RUBCN: variants seen among roughly 807,000 people sequenced by gnomAD.
RUBCN encodes the protein rubicon autophagy regulator, also known as run domain Beclin-1-interacting and cysteine-rich domain-containing protein.
RUBCN carries 74 observed loss-of-function variants against 113.2 expected under a neutral mutation model. The observed-to-expected ratio is 0.65, with a 90% CI of 0.54 to 0.79. The LOEUF is 0.79. Ranked by LOEUF, RUBCN falls within the 30% of genes least tolerant of loss-of-function variation. RUBCN has a pLI of 0.00. For missense variants in RUBCN, 1,109 were observed against 1,251.7 expected (o/e 0.89, Z 1.72); for synonymous variants, 480 against 490.0 (o/e 0.98, Z 0.27).
chr3:197,709,662 G>GAGCCACCGCGCCCGGCCTGAAAAGCT (rs1724732011), intron 2 of RUBCN, among the ~76,000 whole-genome samples: 1 of 152,094 alleles, frequency 6.6e-6, no homozygotes, highest in African/African-American at 2.4e-5. Flanking sequence ...TTACAGGGGT[G>GAGCCACCGCGCCCGGCCTGAAAAGCT]AGCCACCGCG....
intron 16 of RUBCN, among the ~76,000 whole-genome samples, chr3:197,680,194 G>A (rs1305593447): frequency 8.8e-6 from 1 of 114,040 alleles, no homozygotes; most frequent in South Asian, 3.6e-4. Context: ...ACTGTCCTAC[G>A]CTCTAACTGA....
chr3:197,688,733 A>G (rs1334443754), intron 11 of RUBCN, among the ~76,000 whole-genome samples: 3 of 152,226 alleles, frequency 2.0e-5, no homozygotes, highest in Non-Finnish European at 4.4e-5. Flanking sequence ...AAGATATCAA[A>G]CCAACTTGGC....
At chr3:197,729,048 G>C (rs1727089203) in intron 1 of RUBCN, among the ~76,000 whole-genome samples, 1 of 151,556 alleles carries the variant, frequency 6.6e-6, no homozygotes, top group Non-Finnish European at 1.5e-5. Context: ...CGGATCACGA[G>C]GTCAGGAGAA....
rs1361350395 is a variant in RUBCN at position 197,703,662 on chromosome 3, G to A, written c.464-8C>T. The A allele has an allele frequency of 6.3e-7, 1 of 1,588,910 alleles. No individual in the cohort carries two copies. Among genetic ancestry groups the A allele is most frequent in the Non-Finnish European group, 8.6e-7 (1 of 1,157,896 alleles). ...TTAGCAGGAAGGCAGCATCTGGGGA[G>A]AGAAAAGCTGCCACAGTGATAGAGC... On this transcript the variant is annotated splice_polypyrimidine_tract_variant and splice_region_variant and intron_variant, in intron 4 of 19. Transcript: ENST00000296343.
chr3:197,682,721 G>T (rs1721388735), intron 13 of RUBCN, 106 bp from the exon 14 acceptor site: 2 of 1,475,544 alleles, frequency 1.4e-6, no homozygotes, highest in Non-Finnish European at 9.4e-7. Context: ...ACACAGTTGG[G>T]GTAAGTTCAC....
At chr3:197,717,484 T>C (rs1358506245) in intron 2 of RUBCN, among the ~76,000 whole-genome samples, 1 of 151,254 alleles carries the variant, frequency 6.6e-6, no homozygotes, top group Non-Finnish European at 1.5e-5. Flanking sequence ...TTGAAGGTGC[T>C]ATGCTGTTGG....
rs764043576 is a variant in RUBCN at position 197,682,590 on chromosome 3, G to C, written c.2006C>G (p.Pro669Arg). The C allele has an allele frequency of 6.2e-7, 1 of 1,614,124 alleles. No individual in the cohort carries two copies. The highest frequency in any genetic ancestry group is 8.5e-7 in the Non-Finnish European group (1 of 1,180,016). Residue 669 changes from proline (P) to arginine (R), a missense_variant, in exon 14 of 20, where the codon CCC (proline) becomes CGC (arginine). Physicochemically the swap from Pro to Arg is moderately radical, Grantham distance 103. Coordinates refer to ENST00000296343, the MANE Select transcript of RUBCN (RefSeq NM_014687.4). ...GTGCTGCCCGTCATCCGGTGAGATG[G>C]GCAGTGAGTCAGGAATGGGCAGGAG... Reference protein sequence around the residue: ...QKLLPIPDSLPISPDDGQHAD... With the variant: ...QKLLPIPDSLRISPDDGQHAD...
intron 1 of RUBCN, among the ~76,000 whole-genome samples, chr3:197,730,968 A>G (rs1475445872): frequency 1.5e-5 from 2 of 130,126 alleles, no homozygotes; most frequent in Non-Finnish European, 1.5e-5. Flanking sequence ...CAGTGCGGGC[A>G]TTATTATGTG....
rs1580167408 is a variant in RUBCN, at chr3:197,681,694, C to A, written c.2191+141G>T. 1.3e-6 allele frequency: 1 copy of A among 758,482 alleles called. No homozygotes were observed. The highest frequency in any genetic ancestry group is 1.5e-5 in the South Asian group (1 of 68,216). The allele number at this position is 758,482 out of a possible 1,614,324, so 47.0% of individuals were successfully genotyped here. A position where few individuals can be genotyped will look rare whatever the true frequency, so the allele number is the denominator to read the frequency against. ...TTCCCTCCGATTGCCAGCACTCTTG[C>A]CTACTACGAACCTTTCTTTCTCCTT... is the stretch of plus-strand genomic sequence containing the variant. On this transcript the variant is annotated intron_variant, in intron 15 of 19. Transcript: ENST00000296343. This position sits in a 1 kb window ranked among gnomAD's most constrained non-coding sequence, Gnocchi z 5.5.
At chr3:197,692,768 G>GA (rs949846675) in intron 11 of RUBCN, among the ~76,000 whole-genome samples, 1 of 152,182 alleles carries the variant, frequency 6.6e-6, no homozygotes, top group African/African-American at 2.4e-5. Flanking sequence ...GAAAATGTGT[G>GA]AAAAAACGGA....
upstream of RUBCN, among the ~76,000 whole-genome samples, chr3:197,738,143 C>T (rs2109019026): frequency 6.6e-6 from 1 of 152,346 alleles, no homozygotes; most frequent in South Asian, 2.1e-4. Flanking sequence ...ATTTTTTAAA[C>T]TTTCAACTTT....
At chr3:197,676,710 G>C in intron 18 of RUBCN, 175 bp downstream of exon 18, 2 of 1,472,272 alleles carry the variant, frequency 1.4e-6, no homozygotes, top group Non-Finnish European at 1.8e-6. Flanking sequence ...CTTTAGATCA[G>C]GATGATTTGG....
intron 11 of RUBCN, among the ~76,000 whole-genome samples, chr3:197,690,565 C>T (rs1246294711): frequency 6.6e-6 from 1 of 152,206 alleles, no homozygotes. Context: ...GATCACAAAG[C>T]AAGAACAAAC....
intron 11 of RUBCN, among the ~76,000 whole-genome samples, chr3:197,689,973 G>T (rs999631596): frequency 2.0e-5 from 3 of 152,018 alleles, no homozygotes; most frequent in Non-Finnish European, 4.4e-5. Flanking sequence ...CTCCTCCCCA[G>T]CCTCTGTAAC....
chr3:197,694,651 G>A (rs1722810022), intron 9 of RUBCN, 66 bp from the exon 10 acceptor site: 2 of 1,403,778 alleles, frequency 1.4e-6, no homozygotes, highest in Non-Finnish European at 2.0e-6. Context: ...TCATTATAAT[G>A]TGGAAAAGGG....
At position 197,717,999 on chromosome 3, in the gene RUBCN, T is replaced by G. The variant is rs758564558; in HGVS notation, c.197A>C (p.Tyr66Ser). ...TACCTGGTCACGGATAAGCCCGTGA[T>G]AGAGGATGCTCTGCATGTCCCTGCA... ...RLCRDMQSILYHGLIRDQACR... is the reference protein window; with the variant it reads ...RLCRDMQSILSHGLIRDQACR... The change falls in exon 2 of 20, where the codon TAT becomes TCT. Residue 66 changes from tyrosine (Y) to serine (S), a missense_variant. By Grantham distance (144) the Tyr-to-Ser change is moderately radical. Transcript: ENST00000296343. 1.9e-6 allele frequency: 3 copies of G among 1,613,952 alleles called. No homozygotes were observed. Among genetic ancestry groups the G allele is most frequent in the Non-Finnish European group, 2.5e-6 (3 of 1,180,036 alleles).
chr3:197,678,849 G>T (rs1428639322), intron 16 of RUBCN, among the ~76,000 whole-genome samples: 1 of 149,324 alleles, frequency 6.7e-6, no homozygotes, highest in Non-Finnish European at 1.5e-5. Flanking sequence ...CTGACAACTG[G>T]CTTCAGACTG....
Position 197,683,210 on chromosome 3 carries a change from C to A in RUBCN, c.1980+97G>T. The A allele has an allele frequency of 6.8e-7, 1 of 1,479,348 alleles. No homozygotes were observed. The highest frequency in any genetic ancestry group is 9.5e-7 in the Non-Finnish European group (1 of 1,057,566). 91.6% of individuals were successfully genotyped at this position (1,479,348 alleles called of 1,614,324 possible). On this transcript the variant is annotated intron_variant, in intron 13 of 19. Coordinates refer to ENST00000296343, the MANE Select transcript of RUBCN (RefSeq NM_014687.4). This position sits in a 1 kb window ranked among gnomAD's most constrained non-coding sequence, Gnocchi z 4.6. ...GGCTTCCACGAGTAAGGGGGGAACACCCAGGCTCATTCCAGACTAGGGACA... is the reference window on the plus strand; with the variant it reads ...GGCTTCCACGAGTAAGGGGGGAACAACCAGGCTCATTCCAGACTAGGGACA...
chr3:197,718,225 C>T, intron 1 of RUBCN, 95 bp from the exon 2 acceptor site: 1 of 1,352,388 alleles, frequency 7.4e-7, no homozygotes, highest in African/African-American at 1.4e-5. Flanking sequence ...GCCTCCTGCC[C>T]CACATCCTAA....
Sources: gnomAD v4.1 joint callset for allele counts (sites outside exome capture counted in the v4.1 genomes callset) on GRCh38, gnomAD v4.1.1 for gene constraint, Gnocchi (gnomAD v3.1) non-coding constraint, MANE v1.5 for transcripts, NCBI Gene and HGNC (gene_info 2026-07-23, HGNC 2026-07-21) for gene names.